Variants in RIGI observed in about 807,000 individuals in gnomAD.
RIGI encodes antiviral innate immune response receptor RIG-I.
chr9:32,503,202 A>T, the RIGI span, among the ~76,000 whole-genome samples: 1 of 152,010 alleles, frequency 6.6e-6, no homozygotes, highest in Admixed American at 6.6e-5. Context: ...GCCATTACAG[A>T]TATTCCACGT....
At chr9:32,477,051 G>T in the RIGI span, 1 of 1,614,070 alleles carries the variant, frequency 6.2e-7, no homozygotes. Flanking sequence ...TACTCTTCTT[G>T]TAAGATGAAG....
At chr9:32,478,267 ACTC>A in the RIGI span, among the ~76,000 whole-genome samples, 3 of 151,632 alleles carry the variant, frequency 2.0e-5, no homozygotes, top group Admixed American at 6.6e-5. Flanking sequence ...CTGGTCTTGA[ACTC>A]CTGACCTCAG....
chr9:32,480,238 A>G, the RIGI span: 1 of 1,605,054 alleles, frequency 6.2e-7, no homozygotes, highest in Non-Finnish European at 8.5e-7. Context: ...TCTGAGTAAG[A>G]TCTTGCTCAA....
chr9:32,463,889 C>CTTTTTTTTTTTTTTTT, the RIGI span, among the ~76,000 whole-genome samples: 12 of 135,880 alleles, frequency 8.8e-5, no homozygotes, highest in South Asian at 2.8e-4. Context: ...ATTCTGATTT[C>CTTTTTTTTTTTTTTTT]AAATAAACCT....
At chr9:32,488,934 A>G in the RIGI span, 9 of 1,504,056 alleles carry the variant, frequency 6.0e-6, no homozygotes, top group Admixed American at 2.1e-5. Flanking sequence ...CATATATTAG[A>G]TATTTCTCTG....
the RIGI span, among the ~76,000 whole-genome samples, chr9:32,522,309 G>T: frequency 6.6e-6 from 1 of 152,102 alleles, no homozygotes; most frequent in African/African-American, 2.4e-5. Flanking sequence ...CTTTTAAACA[G>T]AATTTGAGGC....
At chr9:32,484,669 C>G in the RIGI span, among the ~76,000 whole-genome samples, 7 of 152,350 alleles carry the variant, frequency 4.6e-5, no homozygotes, top group South Asian at 8.3e-4. Flanking sequence ...TTCTCATTCA[C>G]TGGTATCTTT....
the RIGI span, chr9:32,526,026 T>G: frequency 2.0e-6 from 3 of 1,521,424 alleles, no homozygotes; most frequent in South Asian, 3.4e-5. Flanking sequence ...TCCTCAATTG[T>G]TTTCCGCCGA....
chr9:32,497,079 C>T, the RIGI span, among the ~76,000 whole-genome samples: 1 of 151,754 alleles, frequency 6.6e-6, no homozygotes, highest in Non-Finnish European at 1.5e-5. Flanking sequence ...TCTATTTCTA[C>T]AAAAAAAATG....
At chr9:32,480,212 C>T in the RIGI span, 7 of 1,590,364 alleles carry the variant, frequency 4.4e-6, no homozygotes, top group East Asian at 1.6e-4. Flanking sequence ...CTGAAAACAC[C>T]ACTCACCTTC....
chr9:32,505,099 T>C, the RIGI span, among the ~76,000 whole-genome samples: 1 of 145,642 alleles, frequency 6.9e-6, no homozygotes, highest in East Asian at 2.0e-4. Flanking sequence ...ATAGATACAA[T>C]ATATATGTCA....
At chr9:32,492,390 C>A in the RIGI span, 1 of 1,614,086 alleles carries the variant, frequency 6.2e-7, no homozygotes, top group Non-Finnish European at 8.5e-7. Flanking sequence ...CAGTGTCTTA[C>A]CTTTCTCTAC....
At chr9:32,481,269 T>C in the RIGI span, 1 of 1,466,544 alleles carries the variant, frequency 6.8e-7, no homozygotes, top group Non-Finnish European at 9.2e-7. Context: ...GTTGATGTTA[T>C]CTTGGCTTCC....
At chr9:32,488,602 G>T in the RIGI span, 1 of 922,714 alleles carries the variant, frequency 1.1e-6, no homozygotes, top group Non-Finnish European at 1.5e-6. Context: ...ATCCATGAAG[G>T]GATAACATCT....
chr9:32,461,082 A>T, the RIGI span, among the ~76,000 whole-genome samples: 1 of 152,072 alleles, frequency 6.6e-6, no homozygotes, highest in Non-Finnish European at 1.5e-5. Flanking sequence ...CATAGGGGGA[A>T]ATCAGTCTGA....
At chr9:32,498,990 A>C in the RIGI span, among the ~76,000 whole-genome samples, 4 of 151,362 alleles carry the variant, frequency 2.6e-5, no homozygotes, top group Non-Finnish European at 5.9e-5. Context: ...CTCAAAAAAA[A>C]AAAAAAAAAA....
the RIGI span, among the ~76,000 whole-genome samples, chr9:32,521,139 C>CAAAAAAAAAAAAAAAAAAAAAAAAAAAAA: frequency 9.2e-5 from 3 of 32,778 alleles, no homozygotes; most frequent in African/African-American, 1.2e-4. Context: ...GACACCATCT[C>CAAAAAAAAAAAAAAAAAAAAAAAAAAAAA]AAAAAAAAAA....
chr9:32,466,329 T>G, the RIGI span: 4 of 1,614,046 alleles, frequency 2.5e-6, no homozygotes, highest in Non-Finnish European at 3.4e-6. Context: ...TCTGAAGGCG[T>G]AAAATAGAGT....
the RIGI span, among the ~76,000 whole-genome samples, chr9:32,505,945 G>C: frequency 1.8e-4 from 28 of 152,270 alleles, 1 homozygote; most frequent in South Asian, 4.1e-4. Flanking sequence ...GGCCAGGCGC[G>C]GTGGCTCATG....
Sources: allele counts gnomAD v4.1 joint callset (sites outside exome capture counted in the v4.1 genomes callset), GRCh38; gene constraint gnomAD v4.1.1; transcripts MANE v1.5; gene names NCBI Gene and HGNC (gene_info 2026-07-23, HGNC 2026-07-21).